The following AKAP6 variants were observed in gnomAD, a reference collection of about 807,000 sequenced individuals.
AKAP6 encodes the protein A-kinase anchoring protein 6.
In AKAP6, 58 loss-of-function variants were observed where a neutral mutation model predicts 188.5. That is an observed-to-expected ratio of 0.31 (90% confidence interval 0.25 to 0.38). The LOEUF (loss-of-function observed/expected upper bound fraction) is 0.38. AKAP6 is among the 10% of genes least tolerant of loss of function. AKAP6 has a pLI of 1.00. For missense variants in AKAP6, 2,710 were observed against 2,740.0 expected (o/e 0.99, Z 0.24); for synonymous variants, 989 against 998.6 (o/e 0.99, Z 0.18).
chr14:32,820,290 T>C (rs1188879074), intron 12 of AKAP6, among the ~76,000 whole-genome samples: 2 of 152,024 alleles, frequency 1.3e-5, no homozygotes, highest in African/African-American at 4.8e-5. Context: ...TATGTATATA[T>C]ATATATAATC....
intron 1 of AKAP6, among the ~76,000 whole-genome samples, chr14:32,332,444 C>T (rs191289657): frequency 1.5e-4 from 23 of 152,058 alleles, no homozygotes; most frequent in Admixed American, 4.6e-4. Context: ...TACTTTGTAC[C>T]CAGAGATTTA....
At chr14:32,451,283 G>C (rs147234195) in intron 2 of AKAP6, among the ~76,000 whole-genome samples, 9 of 152,248 alleles carry the variant, frequency 5.9e-5, no homozygotes, top group Non-Finnish European at 1.3e-4. Context: ...TATTCACTTA[G>C]TGAGTTGAAT....
chr14:32,369,165 C>T (rs1311963093), intron 1 of AKAP6, among the ~76,000 whole-genome samples: 1 of 152,078 alleles, frequency 6.6e-6, no homozygotes, highest in African/African-American at 2.4e-5. Context: ...TGCAGGGACC[C>T]AGATGAAAGA....
intron 2 of AKAP6, among the ~76,000 whole-genome samples, chr14:32,460,304 T>C (rs1192150424): frequency 6.6e-6 from 1 of 152,112 alleles, no homozygotes; most frequent in African/African-American, 2.4e-5. Flanking sequence ...TTAAAAGAGA[T>C]ATAAGAGATA....
chr14:32,790,679 C>T (rs2140053106), intron 12 of AKAP6, among the ~76,000 whole-genome samples: 1 of 152,202 alleles, frequency 6.6e-6, no homozygotes, highest in Non-Finnish European at 1.5e-5. Flanking sequence ...TATACATGTG[C>T]CATGGTGGTT....
intron 2 of AKAP6, among the ~76,000 whole-genome samples, chr14:32,466,017 C>T (rs937598182): frequency 1.3e-5 from 2 of 152,126 alleles, no homozygotes; most frequent in African/African-American, 4.8e-5. Context: ...AAATCAAAAC[C>T]GTAATGAGAT....
At chr14:32,347,534 G>A (rs1396307283) in intron 1 of AKAP6, among the ~76,000 whole-genome samples, 1 of 152,188 alleles carries the variant, frequency 6.6e-6, no homozygotes, top group Non-Finnish European at 1.5e-5. Context: ...CAATTAGAAT[G>A]AAGTATTTAA....
At chr14:32,387,677 A>G (rs1436999910) in intron 1 of AKAP6, among the ~76,000 whole-genome samples, 2 of 151,766 alleles carry the variant, frequency 1.3e-5, no homozygotes, top group East Asian at 3.9e-4. Flanking sequence ...CCATCCCTGC[A>G]TCCCTGGCAT....
At chr14:32,679,436 A>G (rs937466481) in intron 8 of AKAP6, among the ~76,000 whole-genome samples, 2 of 152,216 alleles carry the variant, frequency 1.3e-5, no homozygotes, top group African/African-American at 2.4e-5. Context: ...TGTTAATAAC[A>G]TTATATAAAC....
intron 7 of AKAP6, among the ~76,000 whole-genome samples, chr14:32,615,356 C>T (rs1886528249): frequency 6.7e-6 from 1 of 150,040 alleles, no homozygotes; most frequent in East Asian, 2.0e-4. Flanking sequence ...CATTGAACAG[C>T]TGAATGAACC....
intron 12 of AKAP6, among the ~76,000 whole-genome samples, chr14:32,779,603 C>T (rs1566705749): frequency 1.3e-5 from 2 of 151,808 alleles, no homozygotes; most frequent in Non-Finnish European, 2.9e-5. Flanking sequence ...GATAAAGATG[C>T]CAATTAATCA....
At chr14:32,470,492 G>A (rs1878716029) in intron 2 of AKAP6, among the ~76,000 whole-genome samples, 1 of 152,164 alleles carries the variant, frequency 6.6e-6, no homozygotes, top group Admixed American at 6.6e-5. Context: ...GCTGTCGTTA[G>A]GGCTCACATC....
chr14:32,464,430 G>T (rs182449080), intron 2 of AKAP6, among the ~76,000 whole-genome samples: 1 of 152,280 alleles, frequency 6.6e-6, no homozygotes, highest in African/African-American at 2.4e-5. Context: ...GGGATGCAAG[G>T]CTTGTTCAAC....
chr14:32,687,111 T>G (rs942307464), intron 8 of AKAP6, among the ~76,000 whole-genome samples: 1 of 152,200 alleles, frequency 6.6e-6, no homozygotes, highest in Non-Finnish European at 1.5e-5. Flanking sequence ...AGGAGTTCAT[T>G]TTCTTTTAGG....
At chr14:32,329,823 A>G (rs1300140523) in intron 1 of AKAP6, among the ~76,000 whole-genome samples, 2 of 152,122 alleles carry the variant, frequency 1.3e-5, no homozygotes, top group Non-Finnish European at 2.9e-5. Flanking sequence ...AGTGATTTGC[A>G]GTATGAAATT....
Position 32,822,940 on chromosome 14 carries a change from C to G in AKAP6, c.5127C>G (p.Asn1709Lys). ...LCSEDIVLHK[N>K]KIPESNASFR... ...CAGAGGATATTGTGTTACACAAGAA[C>G]AAGATCCCGGAATCGAATGCATCGT... The change falls in exon 13 of 14, where the codon AAC becomes AAG. Residue 1709 changes from asparagine to lysine, a missense_variant. Physicochemically the swap from Asn to Lys is moderately conservative, Grantham distance 94 (BLOSUM62 0). Coordinates refer to ENST00000280979, the MANE Select transcript of AKAP6 (RefSeq NM_004274.5). 1 of 1,613,912 alleles carries G rather than the reference C, an allele frequency of 6.2e-7. No homozygotes were observed. Among genetic ancestry groups the G allele is most frequent in the Non-Finnish European group, 8.5e-7 (1 of 1,179,912 alleles).
At chr14:32,818,487 T>A (rs1220675336) in intron 12 of AKAP6, among the ~76,000 whole-genome samples, 1 of 152,046 alleles carries the variant, frequency 6.6e-6, no homozygotes, top group Non-Finnish European at 1.5e-5. Context: ...ACACATCACT[T>A]GACACAGGGA....
chr14:32,566,386 T>G (rs1275650776), intron 4 of AKAP6, among the ~76,000 whole-genome samples: 1 of 152,064 alleles, frequency 6.6e-6, no homozygotes, highest in African/African-American at 2.4e-5. Flanking sequence ...TGAATATTGA[T>G]AAAGCTCAAA....
In AKAP6 at chr14:32,587,884, G is replaced by A. The variant is rs187208625; in HGVS notation, c.2469+10642G>A. On this transcript the variant is annotated intron_variant, in intron 5 of 13. Transcript: ENST00000280979. Reference sequence around the variant, plus strand: ...CCAGGGGTGTGTGAAACCAGGTAACGTGATATTATAAGTAGTATTTACATG... The same window carrying A: ...CCAGGGGTGTGTGAAACCAGGTAACATGATATTATAAGTAGTATTTACATG... Among the ~76,000 whole-genome samples the A allele has an allele frequency of 4.5e-4, 69 of 152,252 alleles. 1 individual carries two copies. Among genetic ancestry groups the A allele is most frequent in the Admixed American group, 1.2e-3 (18 of 15,292 alleles).
Sources: gnomAD v4.1 joint callset for allele counts (sites outside exome capture counted in the v4.1 genomes callset) on GRCh38, gnomAD v4.1.1 for gene constraint, MANE v1.5 for transcripts, NCBI Gene and HGNC (gene_info 2026-07-23, HGNC 2026-07-21) for gene names.